Variants in CNOT1 observed in about 807,000 individuals in gnomAD.
CNOT1 encodes the protein CCR4-NOT transcription complex subunit 1.
A neutral mutation model predicts 273.8 loss-of-function variants in CNOT1; 15 were observed. That is an observed-to-expected ratio of 0.05 (90% CI 0.04 to 0.08). The LOEUF is 0.08. CNOT1 is among the 10% of genes least tolerant of loss of function. CNOT1 has a pLI of 1.00. For synonymous variants in CNOT1, 1,022 were observed against 1,005.5 expected, an observed-to-expected ratio of 1.02 and a Z score of -0.31; for missense variants, 1,644 against 2,912.2, an observed-to-expected ratio of 0.56 and a Z score of 10.02.
In CNOT1 at chr16:58,555,436, A is replaced by G. The variant is rs551585966; in HGVS notation, c.2706T>C (p.Phe902=). The change falls in exon 21 of 49, where the codon TTT becomes TTC. Residue 902 remains phenylalanine (F), a synonymous_variant. Coordinates refer to ENST00000317147, the MANE Select transcript of CNOT1 (RefSeq NM_016284.5). ...LRNLFEEYRF[F]PQYPDKELHI... is the part of the protein sequence containing the mutation. ...GTAACTCTTTATCAGGATACTGGGG[A>G]AAAAAACGATATTCTTCAAACAAGT... 12 of 1,614,130 alleles carry G rather than the reference A, an allele frequency of 7.4e-6. No homozygotes were observed. The highest frequency in any genetic ancestry group is 6.6e-5 in the South Asian group (6 of 91,084).
chr16:58,599,168 T>C (rs1759544950), intron 2 of CNOT1, 68 bp downstream of exon 2: 12 of 1,601,138 alleles, frequency 7.5e-6, no homozygotes, highest in South Asian at 1.1e-5. Flanking sequence ...CCCACATAAA[T>C]GTGTGGTTTT....
At chr16:58,577,317 C>G (rs1370907211) in intron 13 of CNOT1, among the ~76,000 whole-genome samples, 1 of 152,180 alleles carries the variant, frequency 6.6e-6, no homozygotes, top group Non-Finnish European at 1.5e-5. Context: ...CCCTTTCTAC[C>G]TCACAGCTAT....
At chr16:58,536,634 T>G (rs2039939470) in intron 39 of CNOT1, among the ~76,000 whole-genome samples, 1 of 152,080 alleles carries the variant, frequency 6.6e-6, no homozygotes. Context: ...CATTTTTTTT[T>G]AATGTGGGCT....
At chr16:58,545,977 G>A (rs2040246850) in intron 29 of CNOT1, among the ~76,000 whole-genome samples, 1 of 152,094 alleles carries the variant, frequency 6.6e-6, no homozygotes, top group South Asian at 2.1e-4. Context: ...TAGCAGGTCT[G>A]GCCATACCCA....
intron 14 of CNOT1, among the ~76,000 whole-genome samples, chr16:58,575,691 T>C (rs1312177915): frequency 1.3e-5 from 2 of 151,976 alleles, no homozygotes; most frequent in South Asian, 2.1e-4. Context: ...CCCAGCTACT[T>C]GGGAGGCTGA....
chr16:58,607,578 T>C (rs189416021), intron 1 of CNOT1, among the ~76,000 whole-genome samples: 7 of 151,662 alleles, frequency 4.6e-5, no homozygotes, highest in African/African-American at 1.4e-4. Flanking sequence ...AATACAAAAT[T>C]AGCTGGACCT....
At chr16:58,555,613 A>G in intron 20 of CNOT1, 76 bp from the exon 21 acceptor site, 6 of 1,552,940 alleles carry the variant, frequency 3.9e-6, no homozygotes, top group African/African-American at 1.4e-5. Flanking sequence ...ATGCTTAACA[A>G]AAGACTATTA....
chr16:58,592,225 AAT>A (rs2042087490), intron 2 of CNOT1, among the ~76,000 whole-genome samples: 1 of 152,198 alleles, frequency 6.6e-6, no homozygotes, highest in Non-Finnish European at 1.5e-5. Flanking sequence ...TTGTTTATAA[AAT>A]AGTTTTAGAA....
At chr16:58,607,940 G>A (rs2042746971) in intron 1 of CNOT1, among the ~76,000 whole-genome samples, 1 of 151,858 alleles carries the variant, frequency 6.6e-6, no homozygotes, top group African/African-American at 2.4e-5. Context: ...GGGAGGGTGA[G>A]GCGGGCAGAT....
chr16:58,576,270 C>T (rs571067201), intron 14 of CNOT1, among the ~76,000 whole-genome samples, 193 bp downstream of exon 14: 10 of 152,116 alleles, frequency 6.6e-5, no homozygotes, highest in Non-Finnish European at 1.0e-4. Flanking sequence ...ACTCCACGCC[C>T]GGCTAATTTT....
At chr16:58,540,512 AAG>A (rs1242822356) in intron 34 of CNOT1, among the ~76,000 whole-genome samples, 3 of 152,240 alleles carry the variant, frequency 2.0e-5, no homozygotes, top group African/African-American at 7.2e-5. Context: ...ATGGTCATGA[AAG>A]ATGAGGAAAA....
At chr16:58,584,536 T>C (rs1459557569) in intron 8 of CNOT1, among the ~76,000 whole-genome samples, 1 of 152,140 alleles carries the variant, frequency 6.6e-6, no homozygotes, top group Non-Finnish European at 1.5e-5. Flanking sequence ...TTCACCATGT[T>C]GGTCAGGCTG....
chr16:58,602,015 T>C (rs1418501778), intron 1 of CNOT1, among the ~76,000 whole-genome samples: 2 of 152,146 alleles, frequency 1.3e-5, no homozygotes, highest in African/African-American at 4.8e-5. Context: ...GTCCTTGAAC[T>C]TTTCTTCTCT....
chr16:58,626,825 C>T (rs530108722), intron 1 of CNOT1, among the ~76,000 whole-genome samples: 37 of 151,638 alleles, frequency 2.4e-4, no homozygotes, highest in Middle Eastern at 6.9e-3. Flanking sequence ...AAATATTTTG[C>T]AAAATTTTTT....
chr16:58,563,748 T>G (rs62067280), intron 16 of CNOT1, among the ~76,000 whole-genome samples: 6,619 of 152,302 alleles, frequency 0.043, 421 homozygotes, highest in East Asian at 0.26. Context: ...AGCAAGGCTG[T>G]GGGGAAATAG....
chr16:58,583,949 A>G (rs1597509321), intron 8 of CNOT1, among the ~76,000 whole-genome samples: 1 of 151,734 alleles, frequency 6.6e-6, no homozygotes, highest in East Asian at 2.0e-4. Flanking sequence ...CGGGTGGATC[A>G]CGAGGTCAGG....
intron 17 of CNOT1, 56 bp from the exon 18 acceptor site, chr16:58,558,730 A>G: frequency 1.9e-6 from 3 of 1,565,036 alleles, no homozygotes; most frequent in Non-Finnish European, 2.6e-6. Flanking sequence ...AGGCAGACAC[A>G]TGTAAAGCAA....
intron 39 of CNOT1, among the ~76,000 whole-genome samples, chr16:58,535,742 A>C (rs1290914270): frequency 6.7e-6 from 1 of 148,836 alleles, no homozygotes; most frequent in Non-Finnish European, 1.5e-5. Context: ...TTTTTTTTTT[A>C]ATTTTTTTTG....
chr16:58,589,999 T>C (rs765769211), intron 2 of CNOT1, among the ~76,000 whole-genome samples: 8 of 152,238 alleles, frequency 5.3e-5, no homozygotes, highest in Non-Finnish European at 1.2e-4. Flanking sequence ...TGCTTTACTT[T>C]TTCTCCATAG....
Sources: gnomAD v4.1 joint callset for allele counts (sites outside exome capture counted in the v4.1 genomes callset) on GRCh38, gnomAD v4.1.1 for gene constraint, MANE v1.5 for transcripts, NCBI Gene and HGNC (gene_info 2026-07-23, HGNC 2026-07-21) for gene names.